The following GABRG3 variants were observed in gnomAD, a reference collection of about 807,000 sequenced individuals.
GABRG3 encodes gamma-aminobutyric acid type A receptor subunit gamma3.
GABRG3 carries 25 observed loss-of-function variants against 48.8 expected under a neutral mutation model. The ratio of observed to expected loss-of-function variants is 0.51; its 90% CI spans 0.37 to 0.72. The LOEUF is 0.72. Ranked by LOEUF, GABRG3 falls within the 30% of genes least tolerant of loss-of-function variation. GABRG3 has a pLI of 0.00. For synonymous variants in GABRG3, 227 were observed against 217.6 expected (o/e 1.04, Z -0.38); for missense variants, 394 against 577.9 (o/e 0.68, Z 3.26).
intron 5 of GABRG3, among the ~76,000 whole-genome samples, chr15:27,399,996 G>A (rs6497214): frequency 0.6 from 90,703 of 152,026 alleles, 27,742 homozygotes; most frequent in East Asian, 0.99. Context: ...ACTGGTGTCT[G>A]CTGCATGCTC....
intron 5 of GABRG3, among the ~76,000 whole-genome samples, chr15:27,373,581 GC>G (rs1209267874): frequency 6.6e-6 from 1 of 152,144 alleles, no homozygotes; most frequent in East Asian, 1.9e-4. Context: ...TATTAAAAGG[GC>G]TTTTCCAATT....
intron 3 of GABRG3, among the ~76,000 whole-genome samples, chr15:27,113,794 A>G (rs1345327197): frequency 6.6e-6 from 1 of 152,156 alleles, no homozygotes; most frequent in Non-Finnish European, 1.5e-5. Flanking sequence ...TGGGGATGTG[A>G]TACTTCTATG....
intron 5 of GABRG3, among the ~76,000 whole-genome samples, chr15:27,433,007 C>A (rs1015988070): frequency 1.3e-5 from 2 of 152,138 alleles, no homozygotes; most frequent in Non-Finnish European, 2.9e-5. Context: ...ATATTTCTAC[C>A]AAGAATGTGT....
intron 5 of GABRG3, among the ~76,000 whole-genome samples, chr15:27,415,978 C>A (rs1231086753): frequency 1.3e-5 from 2 of 151,846 alleles, no homozygotes; most frequent in East Asian, 1.9e-4. Context: ...ATTACCATAC[C>A]CCCCCTCTTT....
At chr15:27,044,449 G>A (rs1048689043) in intron 3 of GABRG3, among the ~76,000 whole-genome samples, 1 of 152,096 alleles carries the variant, frequency 6.6e-6, no homozygotes, top group Non-Finnish European at 1.5e-5. Flanking sequence ...GATATCCATT[G>A]TTGTCAAAAT....
At chr15:27,085,366 A>T (rs145047444) in intron 3 of GABRG3, among the ~76,000 whole-genome samples, 1 of 152,180 alleles carries the variant, frequency 6.6e-6, no homozygotes, top group South Asian at 2.1e-4. Context: ...CCAGTGTGCT[A>T]TTGATGGTGT....
chr15:27,266,380 T>G (rs922939238), intron 3 of GABRG3, among the ~76,000 whole-genome samples: 7 of 152,226 alleles, frequency 4.6e-5, no homozygotes, highest in African/African-American at 1.7e-4. Context: ...ATTGGTTTTA[T>G]GGACTTTGTT....
chr15:27,045,083 C>T (rs545539465), intron 3 of GABRG3, among the ~76,000 whole-genome samples: 1 of 152,308 alleles, frequency 6.6e-6, no homozygotes, highest in East Asian at 1.9e-4. Context: ...CATTAATTCA[C>T]ATAACTACTG....
chr15:27,486,843 A>G (rs1361834475), intron 6 of GABRG3, among the ~76,000 whole-genome samples: 3 of 152,184 alleles, frequency 2.0e-5, no homozygotes, highest in African/African-American at 7.2e-5. Context: ...AGATTTACGC[A>G]TTGTCTTTCT....
chr15:27,036,914 G>A (rs1896189157), intron 3 of GABRG3, among the ~76,000 whole-genome samples: 1 of 152,110 alleles, frequency 6.6e-6, no homozygotes, highest in Non-Finnish European at 1.5e-5. Context: ...CATTGCAGAT[G>A]TAATTTATTA....
intron 5 of GABRG3, 37 bp from the exon 6 acceptor site, chr15:27,480,613 G>C (rs753122646): frequency 3.3e-6 from 5 of 1,516,718 alleles, no homozygotes; most frequent in Non-Finnish European, 4.5e-6. Context: ...TTATAAATGT[G>C]TACCTTCAAG....
chr15:27,037,320 T>G (rs1332910679), intron 3 of GABRG3, among the ~76,000 whole-genome samples: 1 of 152,046 alleles, frequency 6.6e-6, no homozygotes, highest in African/African-American at 2.4e-5. Context: ...ATATAAGAGA[T>G]TCTGTAAGAA....
At chr15:27,081,122 C>A (rs1355028467) in intron 3 of GABRG3, among the ~76,000 whole-genome samples, 1 of 152,130 alleles carries the variant, frequency 6.6e-6, no homozygotes, top group Non-Finnish European at 1.5e-5. Context: ...CCTGGAGACT[C>A]CTGAGCAGTA....
chr15:27,393,268 C>T lies in GABRG3; in HGVS notation c.574+64380C>T, dbSNP rs188198002. Among the ~76,000 whole-genome samples, 528 of 150,390 alleles carry T rather than the reference C, an allele frequency of 3.5e-3. 3 individuals carry two copies. The highest frequency in any genetic ancestry group is 0.012 in the African/African-American group (492 of 40,828). ...CTGAGGCAGGAGAATGGCGTGAACCCGGGAGGTGGAGCTTGCAGTGAGCTG... is the reference window on the plus strand; with the variant it reads ...CTGAGGCAGGAGAATGGCGTGAACCTGGGAGGTGGAGCTTGCAGTGAGCTG... On this transcript the variant is annotated intron_variant, in intron 5 of 9. Transcript: ENST00000615808.
chr15:27,184,109 A>G (rs1043865681), intron 3 of GABRG3, among the ~76,000 whole-genome samples: 1 of 152,350 alleles, frequency 6.6e-6, no homozygotes, highest in South Asian at 2.1e-4. Context: ...ACATCTTCAC[A>G]ATGAACAATA....
chr15:27,215,167 G>A (rs892251537), intron 3 of GABRG3, among the ~76,000 whole-genome samples: 1 of 152,176 alleles, frequency 6.6e-6, no homozygotes, highest in Non-Finnish European at 1.5e-5. Flanking sequence ...CAGCTGGCAT[G>A]TTTTAGATAA....
chr15:27,007,027 A>G (rs1895599100), intron 2 of GABRG3, among the ~76,000 whole-genome samples: 1 of 150,898 alleles, frequency 6.6e-6, no homozygotes, highest in African/African-American at 2.4e-5. Context: ...GTTTGATTCC[A>G]TATCTTTGCT....
At chr15:27,034,297 C>G (rs7177870) in intron 3 of GABRG3, among the ~76,000 whole-genome samples, 2 of 151,916 alleles carry the variant, frequency 1.3e-5, no homozygotes, top group Non-Finnish European at 2.9e-5. Context: ...TAACTCAGGG[C>G]CAGTTCTCTT....
chr15:27,223,886 A>T (rs1020521090), intron 3 of GABRG3, among the ~76,000 whole-genome samples: 3 of 152,106 alleles, frequency 2.0e-5, no homozygotes, highest in African/African-American at 7.2e-5. Flanking sequence ...TCTCTTCTGT[A>T]TTTTGGATCA....
Sources: gnomAD v4.1 joint callset for allele counts (sites outside exome capture counted in the v4.1 genomes callset) on GRCh38, gnomAD v4.1.1 for gene constraint, MANE v1.5 for transcripts, NCBI Gene and HGNC (gene_info 2026-07-23, HGNC 2026-07-21) for gene names.